Variants in TASOR2 observed in about 807,000 individuals in gnomAD.
TASOR2 encodes protein TASOR 2.
Under a neutral mutation model 199.5 loss-of-function variants are expected in TASOR2, and 84 were observed. The observed-to-expected ratio is 0.42, with a 90% CI of 0.35 to 0.50. The LOEUF (loss-of-function observed/expected upper bound fraction) is 0.50. TASOR2 is among the 20% of genes least tolerant of loss of function. The probability of loss-of-function intolerance (pLI) is 0.02; values close to 1 mark genes in which losing one functional copy is unlikely to be tolerated. For synonymous variants in TASOR2, 1,103 were observed against 1,046.6 expected (o/e 1.05, Z -1.04); for missense variants, 2,796 against 2,835.9 (o/e 0.99, Z 0.32).
In TASOR2 at chr10:5,742,463, T is replaced by G. The variant is rs148016874; in HGVS notation, c.2694T>G (p.Phe898Leu). ...TACAAAATGAACAGAAAAAAACTTT[T>G]GCAAGAGAGTGTGATCCAGACACCC... The change falls in exon 14 of 21, where the codon TTT becomes TTG. Residue 898 changes from phenylalanine to leucine, a missense_variant. Transcript: ENST00000328090. The surrounding 1 kb of genome is among the most constrained non-coding windows in gnomAD (Gnocchi z 4.2). 281 of 1,614,070 alleles carry G rather than the reference T, an allele frequency of 1.7e-4. No homozygotes were observed. Among genetic ancestry groups the G allele is most frequent in the African/African-American group, 1.3e-3 (96 of 75,046 alleles).
In TASOR2 at chr10:5,742,154, G is replaced by A. The variant is rs775657030; in HGVS notation, c.2385G>A (p.Met795Ile). ...AAGAAGTGAAGCTTTTACTTCATAT[G>A]TGGGTAGCTCTGTTTTACAGCAATC... Residue 795 changes from methionine (M) to isoleucine (I), a missense_variant, in exon 14 of 21, where the codon ATG becomes ATA. By Grantham distance (10) the Met-to-Ile change is conservative (BLOSUM62 1). Transcript: ENST00000328090. The surrounding 1 kb of genome is among the most constrained non-coding windows in gnomAD (Gnocchi z 4.2). The A allele has an allele frequency of 3.1e-6, 5 of 1,614,118 alleles. No individual in the cohort carries two copies. The highest frequency in any genetic ancestry group is 4.2e-6 in the Non-Finnish European group (5 of 1,180,022).
chr10:5,695,978 C>CCA (rs1307681087), intron 1 of TASOR2, among the ~76,000 whole-genome samples: 1 of 152,050 alleles, frequency 6.6e-6, no homozygotes, highest in Non-Finnish European at 1.5e-5. Flanking sequence ...TTCTCCACTC[C>CCA]CACACACCCA....
intron 2 of TASOR2, among the ~76,000 whole-genome samples, chr10:5,713,456 G>A (rs1230710134): frequency 6.6e-6 from 1 of 152,034 alleles, no homozygotes; most frequent in African/African-American, 2.4e-5. Context: ...TATGGCTTCC[G>A]AGATACATTT....
chr10:5,728,304 C>G lies in TASOR2; in HGVS notation c.487+1181C>G, dbSNP rs373317268. Among the ~76,000 whole-genome samples the G allele has an allele frequency of 7.2e-4, 109 of 151,422 alleles. 1 individual carries two copies. Among genetic ancestry groups the G allele is most frequent in the African/African-American group, 2.6e-3 (107 of 41,288 alleles). Reference sequence around the variant, plus strand: ...AAAACTCTATATAGTATTTATAAAGCTATAACCAATATAAACATGTTTTTA... The same window carrying G: ...AAAACTCTATATAGTATTTATAAAGGTATAACCAATATAAACATGTTTTTA... On this transcript the variant is annotated intron_variant, in intron 10 of 20. Transcript: ENST00000328090.
Position 5,720,563 on chromosome 10 carries a change from C to G in TASOR2, c.-80C>G. 6.2e-7 allele frequency: 1 copy of G among 1,605,002 alleles called. No homozygotes were observed. Among genetic ancestry groups the G allele is most frequent in the Non-Finnish European group, 8.5e-7 (1 of 1,175,774 alleles). ...TTTCAGTATTACTTTTACGAACTTT[C>G]AGGCAACACCGTTATTGAACGACCC... On this transcript the variant is annotated 5_prime_UTR_variant, in exon 4 of 21. Coordinates refer to ENST00000328090, the Ensembl canonical transcript of TASOR2. This position sits in a 1 kb window ranked among gnomAD's most constrained non-coding sequence, Gnocchi z 5.3.
chr10:5,707,454 G>A (rs1437700919), intron 1 of TASOR2, among the ~76,000 whole-genome samples: 1 of 152,008 alleles, frequency 6.6e-6, no homozygotes, highest in Non-Finnish European at 1.5e-5. Flanking sequence ...AGGAGATCCA[G>A]GCAACACATC....
At chr10:5,716,015 G>A (rs940913116) in intron 2 of TASOR2, among the ~76,000 whole-genome samples, 1 of 152,136 alleles carries the variant, frequency 6.6e-6, no homozygotes, top group Non-Finnish European at 1.5e-5. Flanking sequence ...TACACACCTA[G>A]GCTGTATGGT....
In TASOR2 at chr10:5,751,887, G is replaced by C. The variant is rs1026032701; in HGVS notation, c.6606+1860G>C. On this transcript the variant is annotated intron_variant, in intron 15 of 20. Coordinates refer to ENST00000328090, the Ensembl canonical transcript of TASOR2. This position sits in a 1 kb window ranked among gnomAD's most constrained non-coding sequence, Gnocchi z 5.3. ...CACACTCATCCCCAATTCTAGTCCAGTACTGCCAGGTTTGTGCTAGCCTCC... is the reference window on the plus strand; with the variant it reads ...CACACTCATCCCCAATTCTAGTCCACTACTGCCAGGTTTGTGCTAGCCTCC... 4.6e-5 allele frequency among the ~76,000 whole-genome samples: 7 copies of C among 152,186 alleles called. No homozygotes were observed. Among genetic ancestry groups the C allele is most frequent in the African/African-American group, 1.7e-4 (7 of 41,430 alleles).
At chr10:5,733,686 C>A (rs903753825) in intron 11 of TASOR2, among the ~76,000 whole-genome samples, 1 of 152,054 alleles carries the variant, frequency 6.6e-6, no homozygotes, top group Admixed American at 6.6e-5. Flanking sequence ...GAATATCTTC[C>A]TTTTCTGTTT....
intron 2 of TASOR2, among the ~76,000 whole-genome samples, chr10:5,716,334 C>T (rs903163014): frequency 1.3e-5 from 2 of 152,096 alleles, no homozygotes; most frequent in Non-Finnish European, 2.9e-5. Context: ...TATGAACATA[C>T]ATGTACAAGT....
intron 1 of TASOR2, among the ~76,000 whole-genome samples, chr10:5,708,556 TTCTTTTTC>T (rs1423197525): frequency 7.5e-5 from 11 of 147,610 alleles, no homozygotes; most frequent in East Asian, 2.5e-4. Context: ...CTTTCTTTCT[TTCTTTTTC>T]TTTCTTTCTC....
chr10:5,744,993 C>G (rs2797489), intron 14 of TASOR2, among the ~76,000 whole-genome samples: 2,517 of 152,296 alleles, frequency 0.017, 72 homozygotes, highest in African/African-American at 0.058. Context: ...ATGTATGCTT[C>G]AAGACATGGC....
chr10:5,731,052 G>A (rs1462530780), exon 11 of TASOR2: 1 of 1,613,950 alleles, frequency 6.2e-7, no homozygotes, highest in Non-Finnish European at 8.5e-7. Context: ...AGCCTAAGAG[G>A]AAGGCCAGCA....
intron 1 of TASOR2, among the ~76,000 whole-genome samples, chr10:5,686,985 G>A (rs72774053): frequency 0.012 from 1,807 of 152,170 alleles, 12 homozygotes; most frequent in Middle Eastern, 0.034. Context: ...AAAATCTTGG[G>A]ATATTGTTTG....
rs143414789 is a variant in TASOR2, at chr10:5,735,280, A to C, written c.1205-24A>C. The C allele has an allele frequency of 1.9e-5, 31 of 1,602,160 alleles. No homozygotes were observed. In the East Asian group the frequency reaches 6.9e-4, roughly 36 times the overall value. ...AGTATCTGGGCCCCTACCCCTTACA[A>C]AAATGATGTCTTTTCTACATAAGGT... On this transcript the variant is annotated intron_variant, in intron 11 of 20. Transcript: ENST00000328090.
At chr10:5,760,998 C>T (rs1018616294) in intron 18 of TASOR2, 12 of 259,066 alleles carry the variant, frequency 4.6e-5, no homozygotes, top group Non-Finnish European at 8.1e-5. Context: ...AAATATACAA[C>T]GCAATAAGGC....
Position 5,730,697 on chromosome 10 carries a change from C to T in TASOR2, c.698C>T (p.Pro233Leu), listed in dbSNP as rs751248370. ...GCTCCTCAGGATAGAATGAAAGACC[C>T]TACATTCTTGGGGAAACTGCCCAGT... The change falls in exon 11 of 21, where the codon CCT becomes CTT. Residue 233 changes from proline (P) to leucine (L), a missense_variant. Pro to Leu is a moderately conservative substitution (Grantham distance 98). Around this residue, in one of 3 missense-constraint regions of TASOR2, gnomAD observed 847 missense variants for 887.4 expected, o/e 0.95. Transcript: ENST00000328090. The surrounding 1 kb of genome is among the most constrained non-coding windows in gnomAD (Gnocchi z 4.1). 134 of 1,614,036 alleles carry T rather than the reference C, an allele frequency of 8.3e-5. No homozygotes were observed. Among genetic ancestry groups the T allele is most frequent in the Non-Finnish European group, 1.1e-4 (132 of 1,180,022 alleles).
intron 18 of TASOR2, among the ~76,000 whole-genome samples, chr10:5,759,423 G>A (rs1413572385): frequency 6.6e-6 from 1 of 152,158 alleles, no homozygotes; most frequent in Non-Finnish European, 1.5e-5. Flanking sequence ...ACTTCACTAA[G>A]TCTAAAGCTG....
chr10:5,749,070 T>C, exon 15 of TASOR2: 1 of 1,614,142 alleles, frequency 6.2e-7, no homozygotes, highest in African/African-American at 1.3e-5. Context: ...GGGGCTGCTC[T>C]AGCTGGGTTC....
Sources: gnomAD v4.1 joint callset for allele counts (sites outside exome capture counted in the v4.1 genomes callset) on GRCh38, gnomAD v4.1.1 for gene constraint, gnomAD v4.1.1 regional missense constraint, Gnocchi (gnomAD v3.1) non-coding constraint, MANE v1.5 for transcripts, NCBI Gene and HGNC (gene_info 2026-07-23, HGNC 2026-07-21) for gene names.